KEAP1: variants seen among roughly 807,000 people sequenced by gnomAD.
The protein encoded by KEAP1 is kelch-like ECH-associated protein 1.
A neutral mutation model predicts 59.7 loss-of-function variants in KEAP1; 26 were observed. The observed-to-expected ratio is 0.44, with a 90% CI of 0.32 to 0.60. The LOEUF is 0.60. KEAP1 is among the 20% of genes least tolerant of loss of function. The pLI is 0.06. For missense variants in KEAP1, 539 were observed against 871.4 expected, an observed-to-expected ratio of 0.62 and a Z score of 4.80; for synonymous variants, 350 against 358.3, an observed-to-expected ratio of 0.98 and a Z score of 0.26.
At chr19:10,500,629 A>G (rs1230690473) in intron 1 of KEAP1, among the ~76,000 whole-genome samples, 1 of 152,070 alleles carries the variant, frequency 6.6e-6, no homozygotes, top group African/African-American at 2.4e-5. Context: ...AGCTTCATGA[A>G]GAAAATTACA....
At chr19:10,489,904 G>C (rs755404219) in intron 3 of KEAP1, 51 bp from the exon 4 acceptor site, 1 of 1,527,430 alleles carries the variant, frequency 6.5e-7, no homozygotes, top group East Asian at 2.3e-5. Flanking sequence ...GCTGACCTTC[G>C]TGGAATACTT....
intron 4 of KEAP1, 112 bp downstream of exon 4, chr19:10,489,536 T>A: frequency 7.5e-7 from 1 of 1,329,918 alleles, no homozygotes; most frequent in Non-Finnish European, 1.1e-6. Context: ...GCTTCTGTGG[T>A]TACCCCAGCA....
rs1914985027 is a variant in KEAP1 at position 10,499,972 on chromosome 19, G to A, written c.62C>T (p.Ser21Leu). Residue 21 changes from serine to leucine, a missense_variant, in exon 2 of 6, where the codon TCA becomes TTA. Physicochemically the swap from Ser to Leu is moderately radical, Grantham distance 145. Around this residue, in one of 4 missense-constraint regions of KEAP1, gnomAD observed 166 missense variants for 295.8 expected, o/e 0.56. Transcript: ENST00000171111. This position sits in a 1 kb window ranked among gnomAD's most constrained non-coding sequence, Gnocchi z 6.7. ...GTCCCCTGCCCCCTCAGGGCACTGTGACTGCAGGGGCAGGAATCGGCAGCA... is the reference window on the plus strand; with the variant it reads ...GTCCCCTGCCCCCTCAGGGCACTGTAACTGCAGGGGCAGGAATCGGCAGCA... ...GACCRFLPLQ[S>L]QCPEGAGDAV... The A allele has an allele frequency of 6.3e-7, 1 of 1,592,600 alleles. No homozygotes were observed. The highest frequency in any genetic ancestry group is 1.7e-4 in the Middle Eastern group (1 of 5,996).
chr19:10,501,423 A>C (rs1915040443), intron 1 of KEAP1, among the ~76,000 whole-genome samples: 1 of 151,826 alleles, frequency 6.6e-6, no homozygotes, highest in Non-Finnish European at 1.5e-5. Flanking sequence ...AGGTCAGAAG[A>C]TCGAGACCAT....
intron 2 of KEAP1, among the ~76,000 whole-genome samples, chr19:10,493,380 T>G (rs1026969553): frequency 6.6e-6 from 1 of 151,914 alleles, no homozygotes; most frequent in Non-Finnish European, 1.5e-5. Context: ...GCCAGGATGG[T>G]CTCGATCTCC....
rs1221889447 is a variant in KEAP1 at position 10,502,683 on chromosome 19, C to T, written c.-48+558G>A. On this transcript the variant is annotated intron_variant, in intron 1 of 5. Transcript: ENST00000171111. This position sits in a 1 kb window ranked among gnomAD's most constrained non-coding sequence, Gnocchi z 4.0. ...CGCGATGCCCGCAGCCCGGGCACAT[C>T]CCGCCTCACTCACCCCGCCATGGCC... The T allele has an allele frequency of 6.6e-6, 1 of 152,126 alleles. No homozygotes were observed. Among genetic ancestry groups the T allele is most frequent in the Non-Finnish European group, 1.5e-5 (1 of 68,038 alleles). The allele number at this position is 152,126 out of a possible 1,614,324, so 9.4% of individuals were successfully genotyped here.
Position 10,499,943 on chromosome 19 carries a change from C to T in KEAP1, c.91G>A (p.Val31Met), listed in dbSNP as rs1568401901. 1.9e-6 allele frequency: 3 copies of T among 1,609,366 alleles called. No homozygotes were observed. The highest frequency in any genetic ancestry group is 2.5e-6 in the Non-Finnish European group (3 of 1,176,854). Residue 31 changes from valine to methionine, a missense_variant, in exon 2 of 6, where the codon GTG (valine) becomes ATG (methionine). Val to Met is a conservative substitution (Grantham distance 21). This residue lies in a region of KEAP1 where 166 missense variants were observed against 295.8 expected (regional missense o/e 0.56). Coordinates refer to ENST00000171111, the MANE Select transcript of KEAP1 (RefSeq NM_203500.2). The surrounding 1 kb of genome is among the most constrained non-coding windows in gnomAD (Gnocchi z 6.7). ...SQCPEGAGDA[V>M]MYASTECKAE... ...TTGCACTCAGTGGAGGCGTACATCA[C>T]CGCGTCCCCTGCCCCCTCAGGGCAC...
intron 2 of KEAP1, among the ~76,000 whole-genome samples, chr19:10,496,200 A>T (rs1336490114): frequency 2.9e-5 from 4 of 136,790 alleles, no homozygotes; most frequent in Non-Finnish European, 4.6e-5. Context: ...AAAAAAAGAA[A>T]AAAAAAAAAA....
At chr19:10,488,473 A>G (rs1372777630) in intron 5 of KEAP1, among the ~76,000 whole-genome samples, 7 of 151,048 alleles carry the variant, frequency 4.6e-5, no homozygotes, top group Non-Finnish European at 8.8e-5. Flanking sequence ...TTAGCTGGGC[A>G]TAGTGGCAGG....
chr19:10,495,289 C>T (rs973007209), intron 2 of KEAP1, among the ~76,000 whole-genome samples: 9 of 152,162 alleles, frequency 5.9e-5, no homozygotes, highest in Non-Finnish European at 8.8e-5. Flanking sequence ...TGAGATTATA[C>T]GCACGAGCCA....
intron 3 of KEAP1, chr19:10,490,865 T>A (rs1038931638): frequency 2.0e-5 from 3 of 152,102 alleles, no homozygotes; most frequent in Non-Finnish European, 2.9e-5. Context: ...ACTTCACAGA[T>A]AACAAGATAA....
At chr19:10,488,935 G>GA (rs1052729305) in intron 5 of KEAP1, among the ~76,000 whole-genome samples, 2 of 150,472 alleles carry the variant, frequency 1.3e-5, no homozygotes, top group East Asian at 3.9e-4. Flanking sequence ...CATCTCAAAA[G>GA]AAAAAAAACA....
chr19:10,486,960 G>T, intron 5 of KEAP1, 142 bp from the exon 6 acceptor site: 2 of 775,846 alleles, frequency 2.6e-6, no homozygotes, highest in Non-Finnish European at 3.9e-6. Flanking sequence ...ACTTTGCAGG[G>T]CTGAGGCAGG....
At chr19:10,488,660 C>T (rs901490491) in intron 5 of KEAP1, among the ~76,000 whole-genome samples, 3 of 151,596 alleles carry the variant, frequency 2.0e-5, no homozygotes, top group Non-Finnish European at 2.9e-5. Flanking sequence ...AGGCCGGGCG[C>T]GGTGGCTCAT....
intron 5 of KEAP1, 98 bp downstream of exon 5, chr19:10,489,094 T>TAA (rs33966407): frequency 0.023 from 9,596 of 422,256 alleles, 61 homozygotes; most frequent in Admixed American, 0.037. Flanking sequence ...ACCTTGTTTC[T>TAA]AAAAAAAAAA....
rs1008479663 is a variant in KEAP1, at chr19:10,502,866, C to G, written c.-48+375G>C. 2.6e-5 allele frequency: 4 copies of G among 152,138 alleles called. No individual in the cohort carries two copies. Among genetic ancestry groups the G allele is most frequent in the African/African-American group, 7.2e-5 (3 of 41,434 alleles). The allele number at this position is 152,138 out of a possible 1,614,324, so 9.4% of individuals were successfully genotyped here. A position where few individuals can be genotyped will look rare whatever the true frequency, so the allele number is the denominator to read the frequency against. ...GGCCCTGGCCTCAGGCGGTAGGGAC[C>G]GCTGAGGGGCCGCTCCCCACCCCCG... On this transcript the variant is annotated intron_variant, in intron 1 of 5. Coordinates refer to ENST00000171111, the MANE Select transcript of KEAP1 (RefSeq NM_203500.2). This position sits in a 1 kb window ranked among gnomAD's most constrained non-coding sequence, Gnocchi z 4.0.
Position 10,491,626 on chromosome 19 carries a change from A to G in KEAP1, c.1276T>C (p.Tyr426His). The G allele has an allele frequency of 6.3e-7, 1 of 1,592,658 alleles. No homozygotes were observed. The highest frequency in any genetic ancestry group is 8.5e-7 in the Non-Finnish European group (1 of 1,170,280). The change falls in exon 3 of 6, where the codon TAT (tyrosine) becomes CAT (histidine). Residue 426 changes from tyrosine (Y) to histidine (H), a missense_variant. Coordinates refer to ENST00000171111, the MANE Select transcript of KEAP1 (RefSeq NM_203500.2). The surrounding 1 kb of genome is among the most constrained non-coding windows in gnomAD (Gnocchi z 5.2). ...IGVGVIDGHI[Y>H]AVGGSHGCIH... ...CAGCCGTGGGAGCCGCCGACGGCAT[A>G]GATGTGGCCATCGATGACCCCCACC...
At position 10,491,292 on chromosome 19, in the gene KEAP1, G is replaced by A. The variant is rs1914657413; in HGVS notation, c.1325+285C>T. Among the ~76,000 whole-genome samples, 1 of 152,042 alleles carries A rather than the reference G, an allele frequency of 6.6e-6. No individual in the cohort carries two copies. The highest frequency in any genetic ancestry group is 1.5e-5 in the Non-Finnish European group (1 of 68,018). ...CCCAAAGTCCCTGATTATAGGTATG[G>A]GCCACAGTGCCTAGCCCAACAATTT... On this transcript the variant is annotated intron_variant, in intron 3 of 5. Transcript: ENST00000171111. This position sits in a 1 kb window ranked among gnomAD's most constrained non-coding sequence, Gnocchi z 5.2.
At chr19:10,498,453 C>T (rs551851888) in intron 2 of KEAP1, among the ~76,000 whole-genome samples, 8 of 152,120 alleles carry the variant, frequency 5.3e-5, no homozygotes, top group African/African-American at 1.2e-4. Flanking sequence ...GTGAGCCACC[C>T]GCCTCAGCCT....
Sources: gnomAD v4.1 joint callset for allele counts (sites outside exome capture counted in the v4.1 genomes callset) on GRCh38, gnomAD v4.1.1 for gene constraint, gnomAD v4.1.1 regional missense constraint, Gnocchi (gnomAD v3.1) non-coding constraint, MANE v1.5 for transcripts, NCBI Gene and HGNC (gene_info 2026-07-23, HGNC 2026-07-21) for gene names.